The following USP12 variants were observed in gnomAD, a reference collection of about 807,000 sequenced individuals.
USP12 encodes the protein ubiquitin specific peptidase 12, also known as ubiquitin carboxyl-terminal hydrolase 12.
In USP12, 19 loss-of-function variants were observed where a neutral mutation model predicts 45.5. The observed-to-expected ratio is 0.42, with a 90% CI of 0.29 to 0.61. USP12 has a LOEUF of 0.61. Ranked by LOEUF, USP12 falls within the 20% of genes least tolerant of loss-of-function variation. The pLI is 0.22. For synonymous variants in USP12, 149 were observed against 148.8 expected, an observed-to-expected ratio of 1.00 and a Z score of -0.01; for missense variants, 242 against 447.7, an observed-to-expected ratio of 0.54 and a Z score of 4.15.
At chr13:27,155,941 C>G (rs189898792) in intron 1 of USP12, among the ~76,000 whole-genome samples, 46 of 152,188 alleles carry the variant, frequency 3.0e-4, no homozygotes, top group Non-Finnish European at 5.0e-4. Flanking sequence ...CATAGATGTA[C>G]ATTCTCTTTC....
intron 1 of USP12, among the ~76,000 whole-genome samples, chr13:27,151,043 A>G (rs1877544386): frequency 6.6e-6 from 1 of 152,170 alleles, no homozygotes; most frequent in Non-Finnish European, 1.5e-5. Context: ...AAAGAAAAAA[A>G]TCAGGCCAGA....
intron 1 of USP12, among the ~76,000 whole-genome samples, chr13:27,159,430 G>A (rs547300640): frequency 2.0e-5 from 3 of 152,214 alleles, no homozygotes; most frequent in Admixed American, 2.0e-4. Flanking sequence ...TTTGCATCAG[G>A]CATATAATTC....
intron 2 of USP12, among the ~76,000 whole-genome samples, chr13:27,114,906 G>A (rs560221208): frequency 6.6e-6 from 1 of 152,242 alleles, no homozygotes; most frequent in Non-Finnish European, 1.5e-5. Flanking sequence ...GATTGCCTGA[G>A]CCCAGGAGGT....
intron 2 of USP12, among the ~76,000 whole-genome samples, chr13:27,114,764 AT>A (rs1290407602): frequency 1.0e-3 from 130 of 129,170 alleles, no homozygotes; most frequent in African/African-American, 1.9e-3. Context: ...CCTCCTCTCC[AT>A]TTTTAAAAAA....
chr13:27,080,739 G>A (rs976934148), intron 6 of USP12, among the ~76,000 whole-genome samples: 1 of 152,186 alleles, frequency 6.6e-6, no homozygotes, highest in African/African-American at 2.4e-5. Flanking sequence ...CCGCAATAAA[G>A]TGAAGACCGC....
chr13:27,112,309 A>G (rs867375447), intron 2 of USP12, among the ~76,000 whole-genome samples: 9 of 148,932 alleles, frequency 6.0e-5, no homozygotes, highest in South Asian at 4.3e-4. Context: ...TTTTCCTGAG[A>G]CAGTGTCTTA....
At chr13:27,125,130 G>A (rs532771055) in intron 1 of USP12, among the ~76,000 whole-genome samples, 80 of 152,206 alleles carry the variant, frequency 5.3e-4, no homozygotes, top group African/African-American at 1.9e-3. Context: ...ATCTTTATTA[G>A]GAGTAAACAA....
At chr13:27,143,511 G>C (rs1003643326) in intron 1 of USP12, among the ~76,000 whole-genome samples, 6 of 152,286 alleles carry the variant, frequency 3.9e-5, no homozygotes, top group Admixed American at 2.6e-4. Flanking sequence ...TAAAATAACT[G>C]TAAGTGCCCT....
At chr13:27,151,599 A>C (rs1877571167) in intron 1 of USP12, among the ~76,000 whole-genome samples, 1 of 152,028 alleles carries the variant, frequency 6.6e-6, no homozygotes, top group Non-Finnish European at 1.5e-5. Context: ...TGGGCAAAAC[A>C]CAGCAAGAAC....
chr13:27,083,743 A>C (rs1431119181), intron 6 of USP12, among the ~76,000 whole-genome samples: 1 of 152,320 alleles, frequency 6.6e-6, no homozygotes, highest in Non-Finnish European at 1.5e-5. Context: ...ATGAATATTT[A>C]GATAAAATAT....
At chr13:27,127,483 C>T (rs535441612) in intron 1 of USP12, among the ~76,000 whole-genome samples, 46 of 152,292 alleles carry the variant, frequency 3.0e-4, no homozygotes, top group African/African-American at 1.1e-3. Flanking sequence ...ATCAAAGGGC[C>T]TTTGCCTCTA....
At chr13:27,069,686 G>A (rs183113938) in intron 8 of USP12, among the ~76,000 whole-genome samples, 237 of 152,302 alleles carry the variant, frequency 1.6e-3, no homozygotes, top group Non-Finnish European at 2.5e-3. Context: ...ACTGACTCAC[G>A]CCTGTAATCC....
At chr13:27,082,408 T>G (rs1873800364) in intron 6 of USP12, among the ~76,000 whole-genome samples, 1 of 152,216 alleles carries the variant, frequency 6.6e-6, no homozygotes, top group Non-Finnish European at 1.5e-5. Flanking sequence ...AGATTAGGCT[T>G]TGGCTTAAGG....
chr13:27,105,642 T>C, intron 3 of USP12, 89 bp downstream of exon 3: 4 of 1,263,140 alleles, frequency 3.2e-6, no homozygotes, highest in Middle Eastern at 1.9e-4. Flanking sequence ...TTATCAGGCA[T>C]ACAGATGATG....
chr13:27,078,861 A>T (rs1157175040), intron 6 of USP12, among the ~76,000 whole-genome samples: 3 of 152,144 alleles, frequency 2.0e-5, no homozygotes, highest in African/African-American at 7.2e-5. Context: ...CTTAATTGAC[A>T]TTTATGGAAT....
intron 1 of USP12, among the ~76,000 whole-genome samples, chr13:27,148,664 A>C (rs1033308901): frequency 3.5e-5 from 3 of 84,960 alleles, no homozygotes; most frequent in South Asian, 1.1e-3. Flanking sequence ...ACAGAGACTC[A>C]AAAAAAAAAA....
intron 1 of USP12, among the ~76,000 whole-genome samples, chr13:27,124,773 T>G (rs1337168872): frequency 6.6e-6 from 1 of 152,102 alleles, no homozygotes; most frequent in African/African-American, 2.4e-5. Flanking sequence ...AGTATAAAGG[T>G]GAAACAAGTT....
At chr13:27,145,952 A>G (rs1238607829) in intron 1 of USP12, among the ~76,000 whole-genome samples, 2 of 152,238 alleles carry the variant, frequency 1.3e-5, no homozygotes, top group African/African-American at 4.8e-5. Flanking sequence ...CATGTTTGCC[A>G]TAAACAAACT....
At chr13:27,141,068 C>T (rs1201001406) in intron 1 of USP12, among the ~76,000 whole-genome samples, 1 of 136,748 alleles carries the variant, frequency 7.3e-6, no homozygotes, top group Non-Finnish European at 1.5e-5. Flanking sequence ...CAGGCTGGAG[C>T]GCAGTGGCAC....
Sources: allele counts gnomAD v4.1 joint callset (sites outside exome capture counted in the v4.1 genomes callset), GRCh38; gene constraint gnomAD v4.1.1; transcripts MANE v1.5; gene names NCBI Gene and HGNC (gene_info 2026-07-23, HGNC 2026-07-21).